CDH4: variants seen among roughly 807,000 people sequenced by gnomAD.
The protein encoded by CDH4 is cadherin 4, also known as cadherin-4.
CDH4 carries 33 observed loss-of-function variants against 86.0 expected under a neutral mutation model. The ratio of observed to expected loss-of-function variants is 0.38; its 90% confidence interval spans 0.29 to 0.51. CDH4 has a LOEUF of 0.51. Among genes scored for constraint, CDH4 ranks in the 20% least tolerant of loss-of-function variants. The pLI, the probability that CDH4 is intolerant of heterozygous loss-of-function variation, is 0.86. For synonymous variants in CDH4, 555 were observed against 549.4 expected, an observed-to-expected ratio of 1.01 and a Z score of -0.14; for missense variants, 1,114 against 1,307.4, an observed-to-expected ratio of 0.85 and a Z score of 2.28.
chr20:61,355,061 G>C (rs939721704), intron 2 of CDH4, among the ~76,000 whole-genome samples: 8 of 141,446 alleles, frequency 5.7e-5, no homozygotes, highest in African/African-American at 2.0e-4. Context: ...CAGCACATCA[G>C]ACAAAACCAC....
Position 61,254,203 on chromosome 20 carries a change from G to A in CDH4, c.58-623G>A, listed in dbSNP as rs114535267. On this transcript the variant is annotated intron_variant, in intron 1 of 15. Transcript: ENST00000614565. Reference sequence around the variant, plus strand: ...AGATGGGGGCTCCGAGGGTGAAAATGCGGGCTGAAGACTAGAAGGTGGAAG... The same window carrying A: ...AGATGGGGGCTCCGAGGGTGAAAATACGGGCTGAAGACTAGAAGGTGGAAG... 6.6e-3 allele frequency among the ~76,000 whole-genome samples: 1,010 copies of A among 152,320 alleles called. 12 individuals are homozygous for A. Among genetic ancestry groups the A allele is most frequent in the African/African-American group, 0.022 (930 of 41,582 alleles).
chr20:61,934,478 G>A (rs1041149255), intron 15 of CDH4, among the ~76,000 whole-genome samples: 1 of 152,226 alleles, frequency 6.6e-6, no homozygotes, highest in African/African-American at 2.4e-5. Context: ...AGGGCCGGGT[G>A]CACAGCAGGG....
At chr20:61,620,412 G>T (rs1405408732) in intron 2 of CDH4, among the ~76,000 whole-genome samples, 1 of 151,830 alleles carries the variant, frequency 6.6e-6, no homozygotes, top group African/African-American at 2.4e-5. Flanking sequence ...ATAGATAGAT[G>T]GATGATGGAT....
intron 2 of CDH4, among the ~76,000 whole-genome samples, chr20:61,502,623 A>C (rs10048854): frequency 1.1e-3 from 166 of 152,280 alleles, no homozygotes; most frequent in African/African-American, 3.8e-3. Flanking sequence ...GATACTGCAC[A>C]ATTTGTCAGT....
chr20:61,779,417 C>G (rs937281425), intron 4 of CDH4, among the ~76,000 whole-genome samples: 6 of 152,198 alleles, frequency 3.9e-5, no homozygotes, highest in Admixed American at 1.3e-4. Flanking sequence ...AGTCGCGGAG[C>G]CTGCGAGGTG....
At chr20:61,591,614 GA>G (rs2065843088) in intron 2 of CDH4, among the ~76,000 whole-genome samples, 1 of 152,200 alleles carries the variant, frequency 6.6e-6, no homozygotes, top group Admixed American at 6.5e-5. Flanking sequence ...AAGTCAACAA[GA>G]GGCAGTTTCC....
chr20:61,337,535 G>GATGAT (rs368179388), intron 2 of CDH4, among the ~76,000 whole-genome samples: 1 of 151,964 alleles, frequency 6.6e-6, no homozygotes, highest in Non-Finnish European at 1.5e-5. Flanking sequence ...ATGAGGGAAA[G>GATGAT]CATGGTCGTG....
Position 61,510,044 on chromosome 20 carries a change from C to T in CDH4, c.170-233519C>T, listed in dbSNP as rs2085768553. 6.6e-6 allele frequency among the ~76,000 whole-genome samples: 1 copy of T among 152,176 alleles called. No homozygotes were observed. Among genetic ancestry groups the T allele is most frequent in the Non-Finnish European group, 1.5e-5 (1 of 68,036 alleles). The stretch of plus-strand genomic sequence containing the variant: ...GTCATTTGGAGATGGCTGTAAATAT[C>T]AGCTGCATCTATATTCAGCATTTGA... On this transcript the variant is annotated intron_variant, in intron 2 of 15. Transcript: ENST00000614565. The surrounding 1 kb of genome is among the most constrained non-coding windows in gnomAD (Gnocchi z 4.2).
chr20:61,306,424 G>A (rs1411977383), intron 2 of CDH4, among the ~76,000 whole-genome samples: 1 of 151,604 alleles, frequency 6.6e-6, no homozygotes, highest in African/African-American at 2.4e-5. Flanking sequence ...TGCAACCTCC[G>A]CCTCCCAGGT....
At chr20:61,804,188 G>A (rs1419659674) in intron 4 of CDH4, among the ~76,000 whole-genome samples, 2 of 152,246 alleles carry the variant, frequency 1.3e-5, no homozygotes, top group Non-Finnish European at 2.9e-5. Context: ...AGAGCCGCCC[G>A]AACTGCTGTG....
chr20:61,587,748 T>G (rs914093731), intron 2 of CDH4, among the ~76,000 whole-genome samples: 1 of 151,746 alleles, frequency 6.6e-6, no homozygotes, highest in African/African-American at 2.4e-5. Flanking sequence ...CAGCACCTTT[T>G]CTGAAGGAAA....
At chr20:61,278,381 G>T (rs1251183207) in intron 2 of CDH4, among the ~76,000 whole-genome samples, 1 of 152,240 alleles carries the variant, frequency 6.6e-6, no homozygotes, top group Non-Finnish European at 1.5e-5. Flanking sequence ...GGCCTCCTCA[G>T]ATAAGGAATG....
chr20:61,887,567 C>T (rs1432101660), intron 7 of CDH4, among the ~76,000 whole-genome samples: 1 of 152,218 alleles, frequency 6.6e-6, no homozygotes, highest in Non-Finnish European at 1.5e-5. Flanking sequence ...TTCTACGATG[C>T]TTGATTTATT....
intron 2 of CDH4, among the ~76,000 whole-genome samples, chr20:61,628,797 C>T (rs900895949): frequency 1.3e-5 from 2 of 152,214 alleles, no homozygotes; most frequent in Admixed American, 6.5e-5. Flanking sequence ...CATCCCAGGT[C>T]GTCTCTGGAC....
At chr20:61,579,155 G>A (rs144653269) in intron 2 of CDH4, among the ~76,000 whole-genome samples, 6 of 152,258 alleles carry the variant, frequency 3.9e-5, no homozygotes, top group Non-Finnish European at 8.8e-5. Context: ...AAATGGACAA[G>A]TAGGTACTCA....
chr20:61,937,196 C>T lies in CDH4; in HGVS notation c.*253C>T. 2 of 217,438 alleles carry T rather than the reference C, an allele frequency of 9.2e-6. No homozygotes were observed. The highest frequency in any genetic ancestry group is 1.7e-5 in the Non-Finnish European group (2 of 119,662). 13.5% of individuals were successfully genotyped at this position (217,438 alleles called of 1,614,324 possible). A position where few individuals can be genotyped will look rare whatever the true frequency, so the allele number is the denominator to read the frequency against. ...AGGCACTCTGTCTTCACTTGAATTT[C>T]CTAGAACAGAAGCACTGTTTTTAAA... On this transcript the variant is annotated 3_prime_UTR_variant, in exon 16 of 16. Transcript: ENST00000614565.
At chr20:61,385,839 C>T (rs2084948169) in intron 2 of CDH4, among the ~76,000 whole-genome samples, 1 of 152,174 alleles carries the variant, frequency 6.6e-6, no homozygotes, top group South Asian at 2.1e-4. Context: ...ACTCAAAGAG[C>T]CCCCGAGTGC....
chr20:61,399,043 C>T (rs1210402224), intron 2 of CDH4, among the ~76,000 whole-genome samples: 1 of 151,546 alleles, frequency 6.6e-6, no homozygotes, highest in Non-Finnish European at 1.5e-5. Flanking sequence ...AACCCCAGGT[C>T]ATTATTTATA....
chr20:61,287,374 C>G (rs1466753892), intron 2 of CDH4, among the ~76,000 whole-genome samples: 1 of 152,096 alleles, frequency 6.6e-6, no homozygotes, highest in East Asian at 1.9e-4. Context: ...TCTCAGGAGG[C>G]TGAGGTGGCA....
Sources: gnomAD v4.1 joint callset for allele counts (sites outside exome capture counted in the v4.1 genomes callset) on GRCh38, gnomAD v4.1.1 for gene constraint, Gnocchi (gnomAD v3.1) non-coding constraint, MANE v1.5 for transcripts, NCBI Gene and HGNC (gene_info 2026-07-23, HGNC 2026-07-21) for gene names.